The following CPLX2 variants were observed in gnomAD, a reference collection of about 807,000 sequenced individuals.
CPLX2 encodes complexin-2.
CPLX2 carries 5 observed loss-of-function variants against 16.3 expected under a neutral mutation model. The observed-to-expected ratio is 0.31, with a 90% CI of 0.16 to 0.64. CPLX2 has a LOEUF of 0.64. Among genes scored for constraint, CPLX2 ranks in the 30% least tolerant of loss-of-function variants. The pLI is 0.79. For synonymous variants in CPLX2, 89 were observed against 73.2 expected (o/e 1.22, Z -1.10); for missense variants, 144 against 181.4 (o/e 0.79, Z 1.18).
chr5:175,797,532 G>A (rs956307797), intron 1 of CPLX2, among the ~76,000 whole-genome samples: 7 of 152,144 alleles, frequency 4.6e-5, no homozygotes, highest in Admixed American at 3.9e-4. Context: ...TCAGAATCGC[G>A]GACTTCCAAG....
At chr5:175,847,243 T>C in intron 2 of CPLX2, among the ~76,000 whole-genome samples, 1 of 152,042 alleles carries the variant, frequency 6.6e-6, no homozygotes, top group Non-Finnish European at 1.5e-5. Context: ...CCAGGTTGAG[T>C]TGGAGGAGCC....
chr5:175,818,066 G>A lies in CPLX2; in HGVS notation c.-89+8998G>A, dbSNP rs183208665. Reference sequence around the variant, plus strand: ...GAGCATAAGCGCAAGAAATGAATCCGTGGCCTTGACCTTGGGAGAGTGGGC... The same window carrying A: ...GAGCATAAGCGCAAGAAATGAATCCATGGCCTTGACCTTGGGAGAGTGGGC... On this transcript the variant is annotated intron_variant, in intron 2 of 4. Transcript: ENST00000359546. 7.9e-5 allele frequency among the ~76,000 whole-genome samples: 12 copies of A among 152,248 alleles called. No homozygotes were observed. In the East Asian group the frequency reaches 2.3e-3, roughly 29 times the overall value.
Position 175,880,067 on chromosome 5 carries a change from A to G in CPLX2, c.*22A>G. 1.9e-6 allele frequency: 3 copies of G among 1,601,282 alleles called. No individual in the cohort carries two copies. The highest frequency in any genetic ancestry group is 1.1e-5 in the South Asian group (1 of 89,016). On this transcript the variant is annotated 3_prime_UTR_variant, in exon 4 of 4. Transcript: ENST00000393745. The stretch of plus-strand genomic sequence containing the variant: ...GTAACCAGGCCTCCTGCCCCAGCCT[A>G]CTCCACCTGTTACTACTTCTTTTTG...
intron 2 of CPLX2, among the ~76,000 whole-genome samples, chr5:175,834,201 A>T (rs1236585229): frequency 6.6e-6 from 1 of 152,234 alleles, no homozygotes; most frequent in African/African-American, 2.4e-5. Context: ...CCACAAATGT[A>T]AAATGGGGTA....
At chr5:175,812,084 C>T (rs1009454793) in intron 2 of CPLX2, among the ~76,000 whole-genome samples, 2 of 152,160 alleles carry the variant, frequency 1.3e-5, no homozygotes, top group African/African-American at 2.4e-5. Context: ...CCCATGGAAG[C>T]GAGGGTTTGG....
chr5:175,807,020 T>C (rs1290225518), intron 1 of CPLX2, among the ~76,000 whole-genome samples: 1 of 152,150 alleles, frequency 6.6e-6, no homozygotes, highest in Non-Finnish European at 1.5e-5. Context: ...GTAAATACAC[T>C]GAAGGTGGTG....
intron 1 of CPLX2, chr5:175,805,328 T>TGGA (rs1428226133): frequency 6.6e-6 from 1 of 152,204 alleles, no homozygotes; most frequent in Non-Finnish European, 1.5e-5. Context: ...TTTAAATCCC[T>TGGA]GGAGTCTGAC....
chr5:175,874,334 G>T (rs1759708350), intron 1 of CPLX2, among the ~76,000 whole-genome samples: 1 of 152,108 alleles, frequency 6.6e-6, no homozygotes, highest in African/African-American at 2.4e-5. Context: ...TTCTCCCTCG[G>T]CACCCCCATC....
chr5:175,870,994 A>G (rs1581101474), upstream of CPLX2, among the ~76,000 whole-genome samples: 2 of 152,012 alleles, frequency 1.3e-5, no homozygotes, highest in East Asian at 3.9e-4. Flanking sequence ...CCAGTCCTGG[A>G]GCTGCTCACA....
intron 1 of CPLX2, among the ~76,000 whole-genome samples, chr5:175,808,718 C>T (rs1197031192): frequency 1.3e-5 from 2 of 152,192 alleles, no homozygotes; most frequent in Non-Finnish European, 2.9e-5. Flanking sequence ...TGTACTACCA[C>T]CAAAGTACGG....
At position 175,841,269 on chromosome 5, in the gene CPLX2, C is replaced by T. The variant is rs1561780379; in HGVS notation, c.-89+32201C>T. Among the ~76,000 whole-genome samples, 4 of 152,218 alleles carry T rather than the reference C, an allele frequency of 2.6e-5. No homozygotes were observed. The South Asian group carries it at 6.2e-4, about 24-fold the overall frequency. On this transcript the variant is annotated intron_variant, in intron 2 of 4. Coordinates refer to the CPLX2 transcript ENST00000359546. ...CCCCCCAAAACCTGCAAACCCAACACGGAGACAGACACTCAGATGCATAGT... is the reference window on the plus strand; with the variant it reads ...CCCCCCAAAACCTGCAAACCCAACATGGAGACAGACACTCAGATGCATAGT...
chr5:175,829,637 A>G, intron 2 of CPLX2, among the ~76,000 whole-genome samples: 1 of 152,208 alleles, frequency 6.6e-6, no homozygotes, highest in East Asian at 1.9e-4. Flanking sequence ...TGAGTGGGGA[A>G]TAAAACTTCC....
At position 175,831,828 on chromosome 5, in the gene CPLX2, A is replaced by T. The variant is rs1335737478; in HGVS notation, c.-89+22760A>T. Among the ~76,000 whole-genome samples the T allele has an allele frequency of 2.6e-5, 4 of 152,228 alleles. No homozygotes were observed. In the East Asian group the frequency reaches 7.7e-4, roughly 29 times the overall value. ...AGAGGCAACTGATTCTGCCGAGAGGATCAAACAAAGCTAGTGAGGAGATGG... is the reference window on the plus strand; with the variant it reads ...AGAGGCAACTGATTCTGCCGAGAGGTTCAAACAAAGCTAGTGAGGAGATGG... On this transcript the variant is annotated intron_variant, in intron 2 of 4. Transcript: ENST00000359546.
chr5:175,827,675 G>A (rs760921638), intron 2 of CPLX2, among the ~76,000 whole-genome samples: 2 of 152,142 alleles, frequency 1.3e-5, no homozygotes, highest in Non-Finnish European at 2.9e-5. Flanking sequence ...CAGGAGAATC[G>A]CTTGAACACA....
At chr5:175,838,152 C>T (rs1441646247) in intron 2 of CPLX2, among the ~76,000 whole-genome samples, 6 of 152,034 alleles carry the variant, frequency 3.9e-5, no homozygotes, top group Admixed American at 3.9e-4. Flanking sequence ...GGAAATTTTG[C>T]CAACGTAAGG....
upstream of CPLX2, among the ~76,000 whole-genome samples, chr5:175,868,828 C>T (rs922992561): frequency 3.3e-5 from 5 of 152,100 alleles, no homozygotes; most frequent in Admixed American, 1.3e-4. Flanking sequence ...AGCAGCCCCA[C>T]GTGCTGGAAG....
intron 2 of CPLX2, among the ~76,000 whole-genome samples, chr5:175,862,830 C>T (rs1376871937): frequency 6.6e-6 from 1 of 152,204 alleles, no homozygotes; most frequent in East Asian, 1.9e-4. Context: ...GCTGATCAGT[C>T]CAGCCCAGTT....
At chr5:175,869,782 G>A (rs369870450), upstream of CPLX2, among the ~76,000 whole-genome samples, 6 of 152,082 alleles carry the variant, frequency 3.9e-5, no homozygotes, top group Admixed American at 2.0e-4. Context: ...ACATACTCAC[G>A]TTTGTCAAAG....
Position 175,879,033 on chromosome 5 carries a change from G to T in CPLX2, c.157G>T (p.Ala53Ser). 1 of 1,592,494 alleles carries T rather than the reference G, an allele frequency of 6.3e-7. No homozygotes were observed. The highest frequency in any genetic ancestry group is 1.1e-5 in the South Asian group (1 of 87,562). The change falls in exon 3 of 4, where the codon GCG (alanine) becomes TCG (serine). Residue 53 changes from alanine (A) to serine (S), a missense_variant. Ala to Ser is a moderately conservative substitution (Grantham distance 99). Transcript: ENST00000393745. ...GGAGGAGGAGCGTAAGGCCAAGCAC[G>T]CGCGCATGGAGGCGGAGCGGGAGAA... ...QQEEERKAKHARMEAEREKVR... is the reference protein window; with the variant it reads ...QQEEERKAKHSRMEAEREKVR...
Sources: gnomAD v4.1 joint callset for allele counts (sites outside exome capture counted in the v4.1 genomes callset) on GRCh38, gnomAD v4.1.1 for gene constraint, MANE v1.5 for transcripts, NCBI Gene and HGNC (gene_info 2026-07-23, HGNC 2026-07-21) for gene names.